Variants in CHSY1 observed in about 807,000 individuals in gnomAD.
The protein encoded by CHSY1 is chondroitin sulfate synthase 1, also known as N-acetylgalactosaminyl-proteoglycan 3-beta-glucuronosyltransferase 1.
A neutral mutation model predicts 59.8 loss-of-function variants in CHSY1; 13 were observed. The observed-to-expected ratio is 0.22, with a 90% CI of 0.14 to 0.35. The LOEUF (loss-of-function observed/expected upper bound fraction) is 0.35. Among genes scored for constraint, CHSY1 ranks in the 10% least tolerant of loss-of-function variants. The pLI is 1.00. For missense variants in CHSY1, 947 were observed against 1,030.6 expected (o/e 0.92, Z 1.11); for synonymous variants, 459 against 401.2 (o/e 1.14, Z -1.72).
chr15:101,242,334 C>T (rs1356157018), intron 1 of CHSY1, among the ~76,000 whole-genome samples: 1 of 152,220 alleles, frequency 6.6e-6, no homozygotes, highest in Non-Finnish European at 1.5e-5. Context: ...TCAGGAGCCA[C>T]CACTTCAACT....
intron 2 of CHSY1, among the ~76,000 whole-genome samples, chr15:101,221,089 T>G (rs1406855808): frequency 6.6e-6 from 1 of 152,150 alleles, no homozygotes; most frequent in Non-Finnish European, 1.5e-5. Context: ...GACATCCCCA[T>G]AGAGAAACAA....
In CHSY1 at chr15:101,235,298, G is replaced by A. The variant is rs2038930203; in HGVS notation, c.600C>T (p.Gly200=). 1 of 1,614,176 alleles carries A rather than the reference G, an allele frequency of 6.2e-7. No individual in the cohort carries two copies. ...TTCCCATTTCTTCCGTGGTGCCCAG[G>A]CCTGTCTGCCCAAGAAAGAGGGGCT... The part of the protein sequence containing the change: ...SSEPLFLGQT[G]LGTTEEMGKL... The change falls in exon 2 of 3, where the codon GGC becomes GGT. Residue 200 remains glycine, a synonymous_variant. Transcript: ENST00000254190.
chr15:101,247,377 C>G (rs1297675306), intron 1 of CHSY1, among the ~76,000 whole-genome samples: 1 of 152,198 alleles, frequency 6.6e-6, no homozygotes, highest in Non-Finnish European at 1.5e-5. Context: ...AATCACCTAA[C>G]ACAGAGAGGA....
intron 2 of CHSY1, among the ~76,000 whole-genome samples, chr15:101,218,658 C>A (rs564689294): frequency 6.6e-6 from 1 of 152,164 alleles, no homozygotes; most frequent in Non-Finnish European, 1.5e-5. Flanking sequence ...CTCATGCCAA[C>A]AGAAGGCTGA....
intron 2 of CHSY1, among the ~76,000 whole-genome samples, chr15:101,206,190 C>T (rs1011492172): frequency 1.2e-4 from 18 of 151,920 alleles, no homozygotes; most frequent in Admixed American, 7.2e-4. Context: ...GCCTCTGAGG[C>T]GAGAGGTTTG....
rs568493119 is a variant in CHSY1, at chr15:101,238,966, CAG to C, written c.321-3391_321-3390del. On this transcript the variant is annotated intron_variant, in intron 1 of 2. Coordinates refer to ENST00000254190, the MANE Select transcript of CHSY1 (RefSeq NM_014918.5). ...ATGTGTGAATGTGTGACAAGCTATA[CAG>C]AGTCTTCTGATGCGGTGACATATGG... Among the ~76,000 whole-genome samples, 278 of 152,304 alleles carry C rather than the reference CAG, an allele frequency of 1.8e-3. 1 individual carries two copies. The highest frequency in any genetic ancestry group is 6.8e-3 in the Middle Eastern group (2 of 294).
chr15:101,251,940 C>T lies in CHSY1; in HGVS notation c.-484G>A, dbSNP rs2039120762. 6.6e-6 allele frequency: 1 copy of T among 151,328 alleles called. No individual in the cohort carries two copies. 9.4% of individuals were successfully genotyped at this position (151,328 alleles called of 1,614,324 possible). ...CCTCCGGCTTAGCTCGCCATTGCAA[C>T]AGGAGCCCCTCACGTCACGCACGGC... On this transcript the variant is annotated 5_prime_UTR_variant, in exon 1 of 3. Coordinates refer to ENST00000254190, the MANE Select transcript of CHSY1 (RefSeq NM_014918.5).
At chr15:101,232,840 G>A (rs1309196621) in intron 2 of CHSY1, among the ~76,000 whole-genome samples, 1 of 152,224 alleles carries the variant, frequency 6.6e-6, no homozygotes, top group African/African-American at 2.4e-5. Context: ...CACTGCAGGT[G>A]GGAGGGCCCT....
intron 2 of CHSY1, among the ~76,000 whole-genome samples, chr15:101,213,647 C>CA (rs1189187246): frequency 5.3e-5 from 8 of 152,136 alleles, no homozygotes; most frequent in Admixed American, 5.2e-4. Context: ...CCCAAATGAA[C>CA]AAGCAAGTAG....
intron 1 of CHSY1, among the ~76,000 whole-genome samples, chr15:101,245,171 C>G (rs2039038332): frequency 6.6e-6 from 1 of 152,240 alleles, no homozygotes; most frequent in Admixed American, 6.5e-5. Context: ...TGGACAGCAA[C>G]CACACAAAGC....
At chr15:101,217,755 G>A (rs2141264580) in intron 2 of CHSY1, among the ~76,000 whole-genome samples, 1 of 152,268 alleles carries the variant, frequency 6.6e-6, no homozygotes, top group Non-Finnish European at 1.5e-5. Context: ...AAATAAATGA[G>A]GAAGAACAGA....
At chr15:101,243,204 A>C (rs1461224451) in intron 1 of CHSY1, among the ~76,000 whole-genome samples, 1 of 152,164 alleles carries the variant, frequency 6.6e-6, no homozygotes, top group East Asian at 1.9e-4. Context: ...CAGAGACCAC[A>C]AATAGGCCAC....
chr15:101,248,930 G>T (rs1196401302), intron 1 of CHSY1, among the ~76,000 whole-genome samples: 1 of 150,448 alleles, frequency 6.6e-6, no homozygotes, highest in East Asian at 1.9e-4. Context: ...GGGACTACAG[G>T]CACCTGCCAC....
intron 2 of CHSY1, among the ~76,000 whole-genome samples, chr15:101,198,663 A>G (rs1050515518): frequency 1.3e-5 from 2 of 152,206 alleles, no homozygotes; most frequent in African/African-American, 4.8e-5. Context: ...TTGAGAGGAA[A>G]CAGCAGTCGT....
chr15:101,220,509 C>T (rs1386300583), intron 2 of CHSY1, among the ~76,000 whole-genome samples: 1 of 152,168 alleles, frequency 6.6e-6, no homozygotes, highest in African/African-American at 2.4e-5. Flanking sequence ...ATTTATCCAC[C>T]ACTTCTCACC....
rs763183997 is a variant in CHSY1 at position 101,178,710 on chromosome 15, T to C, written c.1087A>G (p.Met363Val). 9.9e-6 allele frequency: 16 copies of C among 1,614,102 alleles called. No homozygotes were observed. In the Admixed American group the frequency reaches 2.3e-4, roughly 24 times the overall value. Residue 363 changes from methionine to valine, a missense_variant, in exon 3 of 3, where the codon ATG (methionine) becomes GTG (valine). This residue lies in a region of CHSY1 where 602 missense variants were observed against 676.9 expected (regional missense o/e 0.89). Transcript: ENST00000254190. ...TCTCGCTGGCGGGGCTGAAACCTCA[T>C]GAAGGAGGGAGGGATTCCCAGCTGG... Reference protein sequence around the residue: ...DLQLGIPPSFMRFQPRQREEI... With the variant: ...DLQLGIPPSFVRFQPRQREEI...
intron 1 of CHSY1, among the ~76,000 whole-genome samples, chr15:101,238,133 ATT>A (rs1197611616): frequency 6.6e-6 from 1 of 152,166 alleles, no homozygotes; most frequent in East Asian, 1.9e-4. Flanking sequence ...TAAGTATCAT[ATT>A]GTTTTTTTTA....
rs1339456926 is a variant in CHSY1 at position 101,251,620 on chromosome 15, C to T, written c.-164G>A. The T allele has an allele frequency of 2.1e-5, 3 of 146,210 alleles. No homozygotes were observed. In the East Asian group the frequency reaches 5.9e-4, roughly 29 times the overall value. 9.1% of individuals were successfully genotyped at this position (146,210 alleles called of 1,614,324 possible). On this transcript the variant is annotated 5_prime_UTR_variant, in exon 1 of 3. Transcript: ENST00000254190. ...GCGCCCATCGCGGCCCCCGAGCCGCCCGCAGGCCCCGCGCCGGCGCTTTGT... is the reference window on the plus strand; with the variant it reads ...GCGCCCATCGCGGCCCCCGAGCCGCTCGCAGGCCCCGCGCCGGCGCTTTGT...
chr15:101,210,373 T>C (rs1327661416), intron 2 of CHSY1, among the ~76,000 whole-genome samples: 2 of 152,188 alleles, frequency 1.3e-5, no homozygotes, highest in African/African-American at 4.8e-5. Context: ...CTACATTTAA[T>C]AGAAAAACTA....
Sources: gnomAD v4.1 joint callset for allele counts (sites outside exome capture counted in the v4.1 genomes callset) on GRCh38, gnomAD v4.1.1 for gene constraint, gnomAD v4.1.1 regional missense constraint, MANE v1.5 for transcripts, NCBI Gene and HGNC (gene_info 2026-07-23, HGNC 2026-07-21) for gene names.